The following GRM8 variants were observed in gnomAD, a reference collection of about 807,000 sequenced individuals.
GRM8 encodes glutamate metabotropic receptor 8.
In GRM8, 47 loss-of-function variants were observed where a neutral mutation model predicts 87.2. That is an observed-to-expected ratio of 0.54 (90% CI 0.43 to 0.69). The LOEUF is 0.69. Among genes scored for constraint, GRM8 ranks in the 30% least tolerant of loss-of-function variants. The pLI is 0.00. For missense variants in GRM8, 1,019 were observed against 1,139.2 expected (o/e 0.89, Z 1.52); for synonymous variants, 396 against 404.5 (o/e 0.98, Z 0.25).
At chr7:126,602,826 T>C (rs1236444299) in intron 8 of GRM8, among the ~76,000 whole-genome samples, 2 of 146,740 alleles carry the variant, frequency 1.4e-5, no homozygotes, top group East Asian at 4.2e-4. Context: ...ACTGGTACCA[T>C]TCCTTCTGAA....
chr7:127,147,132 T>C (rs887404458), intron 2 of GRM8, among the ~76,000 whole-genome samples: 2 of 151,952 alleles, frequency 1.3e-5, no homozygotes, highest in African/African-American at 2.4e-5. Flanking sequence ...TCAGTAGACA[T>C]AGAGGCACTA....
At chr7:126,994,595 G>A (rs1812997882) in intron 3 of GRM8, among the ~76,000 whole-genome samples, 1 of 152,122 alleles carries the variant, frequency 6.6e-6, no homozygotes, top group South Asian at 2.1e-4. Flanking sequence ...TCTTAGTGGT[G>A]GCCTGGAAAA....
intron 6 of GRM8, among the ~76,000 whole-genome samples, chr7:126,778,819 AT>A (rs1360415518): frequency 6.6e-6 from 1 of 152,012 alleles, no homozygotes; most frequent in East Asian, 1.9e-4. Flanking sequence ...TTGGCTCAGG[AT>A]TTACCTTTTA....
At chr7:126,689,427 A>T (rs980543084) in intron 7 of GRM8, among the ~76,000 whole-genome samples, 1 of 152,262 alleles carries the variant, frequency 6.6e-6, no homozygotes, top group African/African-American at 2.4e-5. Context: ...ATGTTTTAGC[A>T]CTGGGCCTAT....
chr7:127,073,658 T>C (rs1821954464), intron 3 of GRM8, among the ~76,000 whole-genome samples: 1 of 152,102 alleles, frequency 6.6e-6, no homozygotes. Context: ...CGCAAATTAA[T>C]AGAAACAGCA....
intron 3 of GRM8, among the ~76,000 whole-genome samples, chr7:126,963,004 T>C (rs1189061298): frequency 6.6e-6 from 1 of 152,240 alleles, no homozygotes; most frequent in African/African-American, 2.4e-5. Flanking sequence ...TAAATATACA[T>C]ATACATTACC....
chr7:126,633,848 G>C (rs933473262), intron 7 of GRM8, among the ~76,000 whole-genome samples: 2 of 151,514 alleles, frequency 1.3e-5, no homozygotes, highest in African/African-American at 4.8e-5. Flanking sequence ...AAAATTGAAA[G>C]AATTTAAGTC....
At chr7:126,888,418 A>C (rs570782805) in intron 6 of GRM8, among the ~76,000 whole-genome samples, 5 of 152,282 alleles carry the variant, frequency 3.3e-5, no homozygotes, top group South Asian at 4.1e-4. Context: ...AAATGTTTCT[A>C]TGTACTCCCT....
intron 7 of GRM8, among the ~76,000 whole-genome samples, chr7:126,728,668 T>G (rs1410108150): frequency 1.3e-5 from 2 of 152,106 alleles, no homozygotes; most frequent in Non-Finnish European, 2.9e-5. Context: ...TTCTGAAAAG[T>G]CATAGGAAGA....
intron 6 of GRM8, among the ~76,000 whole-genome samples, chr7:126,785,198 T>C (rs915753715): frequency 6.6e-6 from 1 of 152,158 alleles, no homozygotes; most frequent in African/African-American, 2.4e-5. Flanking sequence ...TAATGTGTCA[T>C]TTTCTAATAT....
chr7:127,030,574 A>G (rs1279832654), intron 3 of GRM8, among the ~76,000 whole-genome samples: 1 of 152,116 alleles, frequency 6.6e-6, no homozygotes, highest in Non-Finnish European at 1.5e-5. Flanking sequence ...ATCTCAGTCT[A>G]TCCTCAGCAC....
At chr7:127,133,354 G>C (rs1020149880) in intron 2 of GRM8, among the ~76,000 whole-genome samples, 1 of 149,670 alleles carries the variant, frequency 6.7e-6, no homozygotes, top group Non-Finnish European at 1.5e-5. Flanking sequence ...GGAGGCAGAG[G>C]TTGCAGTGAG....
intron 3 of GRM8, among the ~76,000 whole-genome samples, chr7:126,993,580 G>A (rs1183805917): frequency 6.6e-6 from 1 of 152,196 alleles, no homozygotes; most frequent in Non-Finnish European, 1.5e-5. Context: ...AACTAAATGG[G>A]TAGGAAAGAC....
intron 8 of GRM8, among the ~76,000 whole-genome samples, chr7:126,572,557 T>G (rs1794773903): frequency 6.6e-6 from 1 of 152,210 alleles, no homozygotes; most frequent in African/African-American, 2.4e-5. Flanking sequence ...TTTAAAGTTC[T>G]GATGGAAAAT....
At chr7:126,857,326 AT>A (rs924021528) in intron 6 of GRM8, among the ~76,000 whole-genome samples, 3 of 152,078 alleles carry the variant, frequency 2.0e-5, no homozygotes, top group Non-Finnish European at 2.9e-5. Flanking sequence ...TTAAGCAACC[AT>A]TTTCCACTGA....
In GRM8 at chr7:126,906,826, A is replaced by G. The variant is rs1482767003; in HGVS notation, c.728-2143T>C. On this transcript the variant is annotated intron_variant, in intron 3 of 10. Coordinates refer to ENST00000339582, the MANE Select transcript of GRM8 (RefSeq NM_000845.3). ...CATCCCAGGGGTGGGAATTGCCCAT[A>G]ATACACAGATTGGGCTGTGTCACTA... 2.6e-5 allele frequency among the ~76,000 whole-genome samples: 4 copies of G among 152,184 alleles called. No individual in the cohort carries two copies. The East Asian group carries it at 7.7e-4, about 29-fold the overall frequency.
At chr7:126,622,682 A>C (rs571170848) in intron 7 of GRM8, among the ~76,000 whole-genome samples, 1 of 152,286 alleles carries the variant, frequency 6.6e-6, no homozygotes, top group South Asian at 2.1e-4. Flanking sequence ...TTTTGGCAGA[A>C]GTATCCCCAT....
intron 3 of GRM8, among the ~76,000 whole-genome samples, chr7:127,043,966 C>G (rs898458116): frequency 6.6e-6 from 1 of 152,138 alleles, no homozygotes; most frequent in South Asian, 2.1e-4. Flanking sequence ...ATTTGTTTTA[C>G]CCTTTTCACA....
chr7:126,675,455 T>G (rs1806862456), intron 7 of GRM8, among the ~76,000 whole-genome samples: 2 of 152,042 alleles, frequency 1.3e-5, no homozygotes, highest in South Asian at 4.1e-4. Flanking sequence ...AAACTATAGG[T>G]CACTATCCCT....
Sources: allele counts gnomAD v4.1 joint callset (sites outside exome capture counted in the v4.1 genomes callset), GRCh38; gene constraint gnomAD v4.1.1; transcripts MANE v1.5; gene names NCBI Gene and HGNC (gene_info 2026-07-23, HGNC 2026-07-21).